SCAPER: variants seen among roughly 807,000 people sequenced by gnomAD.
The protein encoded by SCAPER is S-phase cyclin A associated protein in the ER, also known as S phase cyclin A-associated protein in the endoplasmic reticulum.
SCAPER carries 98 observed loss-of-function variants against 182.2 expected under a neutral mutation model. That is an observed-to-expected ratio of 0.54 (90% confidence interval 0.46 to 0.64). The LOEUF (loss-of-function observed/expected upper bound fraction) is 0.64. Ranked by LOEUF, SCAPER falls within the 30% of genes least tolerant of loss-of-function variation. SCAPER has a pLI of 0.00. For synonymous variants in SCAPER, 605 were observed against 564.6 expected, an observed-to-expected ratio of 1.07 and a Z score of -1.01; for missense variants, 1,432 against 1,690.0, an observed-to-expected ratio of 0.85 and a Z score of 2.68.
At chr15:76,619,292 C>A (rs942049772) in intron 22 of SCAPER, among the ~76,000 whole-genome samples, 1 of 152,120 alleles carries the variant, frequency 6.6e-6, no homozygotes, top group South Asian at 2.1e-4. Flanking sequence ...TTCTTTATTA[C>A]TAAGTAATAC....
intron 8 of SCAPER, among the ~76,000 whole-genome samples, chr15:76,779,711 T>TA (rs35003637): frequency 0.72 from 106,831 of 149,052 alleles, 39,302 homozygotes; most frequent in South Asian, 0.82. Context: ...GTTACTCTGT[T>TA]AAAAAAAAAA....
intron 21 of SCAPER, among the ~76,000 whole-genome samples, chr15:76,660,378 CT>C (rs2056037504): frequency 6.6e-6 from 1 of 152,124 alleles, no homozygotes; most frequent in Non-Finnish European, 1.5e-5. Flanking sequence ...CCAAATACCC[CT>C]GAACCTAAAA....
Position 76,596,326 on chromosome 15 carries a change from C to CAA in SCAPER, c.2712-22044_2712-22043dup, listed in dbSNP as rs34691848. ...AGGCAGTAATTAATAGCCTACCAAC[C>CAA]AAAAAAAAAAAAAAAAGCCCAGGAC... On this transcript the variant is annotated intron_variant, in intron 22 of 31. Transcript: ENST00000563290. Among the ~76,000 whole-genome samples, 213 of 75,354 alleles carry CAA rather than the reference C, an allele frequency of 2.8e-3. 25 individuals carry two copies. Among genetic ancestry groups the CAA allele is most frequent in the South Asian group, 5.7e-3 (13 of 2,282 alleles). 49.4% of individuals were successfully genotyped at this position (75,354 alleles called of 152,430 possible).
chr15:76,466,455 T>C (rs2049657214), intron 25 of SCAPER, among the ~76,000 whole-genome samples: 1 of 142,736 alleles, frequency 7.0e-6, no homozygotes, highest in Non-Finnish European at 1.5e-5. Context: ...ATTTTCTGTC[T>C]CTTTGTTGAT....
chr15:76,827,671 A>G (rs1320751818), intron 5 of SCAPER, among the ~76,000 whole-genome samples: 1 of 151,382 alleles, frequency 6.6e-6, no homozygotes, highest in African/African-American at 2.4e-5. Context: ...TTGTGAATGG[A>G]AAAAAAAATG....
chr15:76,393,576 T>G (rs987444788), intron 27 of SCAPER, among the ~76,000 whole-genome samples: 1 of 152,190 alleles, frequency 6.6e-6, no homozygotes, highest in African/African-American at 2.4e-5. Flanking sequence ...GCTATATTTT[T>G]CAAGTATAAC....
intron 5 of SCAPER, among the ~76,000 whole-genome samples, chr15:76,840,980 G>A (rs992281204): frequency 2.6e-5 from 4 of 152,188 alleles, no homozygotes; most frequent in East Asian, 1.9e-4. Context: ...TTAGAAGAGT[G>A]ATAAGTATCT....
chr15:76,795,291 G>A lies in SCAPER; in HGVS notation c.761C>T (p.Ser254Leu), dbSNP rs775879520. The A allele has an allele frequency of 1.2e-6, 2 of 1,609,088 alleles. No homozygotes were observed. Among genetic ancestry groups the A allele is most frequent in the Admixed American group, 3.4e-5 (2 of 59,450 alleles). Residue 254 changes from serine to leucine, a missense_variant, in exon 8 of 32, where the codon TCA (serine) becomes TTA (leucine). Ser to Leu is a moderately radical substitution (Grantham distance 145, BLOSUM62 -2). Around this residue, in one of 5 missense-constraint regions of SCAPER, gnomAD observed 480 missense variants for 510.2 expected, o/e 0.94. Coordinates refer to ENST00000563290, the MANE Select transcript of SCAPER (RefSeq NM_020843.4). ...TCGAAGTCACTTGCCATTTTTGCGT[G>A]AGGCCTTCTGCACTGTCATTGGTGG... ...SCPPMTVQKA[S>L]RKNERKDAEG...
At position 76,767,009 on chromosome 15, in the gene SCAPER, G is replaced by C; in HGVS notation, c.1328C>G (p.Ala443Gly). 6.2e-7 allele frequency: 1 copy of C among 1,606,572 alleles called. No homozygotes were observed. The highest frequency in any genetic ancestry group is 8.5e-7 in the Non-Finnish European group (1 of 1,175,884). ...EKANEEAIAS[A>G]IAEEEQLTRE... ...AGTTAACTGTTCTTCTTCAGCAATA[G>C]CACTAGCAATGGCTTCTTCATTGGC... Residue 443 changes from alanine to glycine, a missense_variant, in exon 11 of 32, where the codon GCT becomes GGT. This residue lies in a region of SCAPER where 18 missense variants were observed against 46.0 expected (regional missense o/e 0.39). Coordinates refer to ENST00000563290, the MANE Select transcript of SCAPER (RefSeq NM_020843.4).
intron 25 of SCAPER, among the ~76,000 whole-genome samples, chr15:76,439,507 C>T (rs142397314): frequency 2.6e-5 from 4 of 152,188 alleles, no homozygotes; most frequent in African/African-American, 9.7e-5. Flanking sequence ...TTGTGAGCAG[C>T]CTGCTCTTTT....
chr15:76,794,793 G>A (rs1444460673), intron 8 of SCAPER, among the ~76,000 whole-genome samples: 1 of 151,978 alleles, frequency 6.6e-6, no homozygotes, highest in Non-Finnish European at 1.5e-5. Flanking sequence ...ATTGTTCTAG[G>A]TGGGCCCTCA....
chr15:76,753,994 C>A, intron 14 of SCAPER, 46 bp from the exon 15 acceptor site: 1 of 1,582,954 alleles, frequency 6.3e-7, no homozygotes, highest in Non-Finnish European at 8.6e-7. Flanking sequence ...TATATACAAT[C>A]ATTTAAAAGA....
At chr15:76,394,508 GA>G (rs2142046735) in intron 27 of SCAPER, among the ~76,000 whole-genome samples, 1 of 152,274 alleles carries the variant, frequency 6.6e-6, no homozygotes, top group South Asian at 2.1e-4. Flanking sequence ...TACACAAAAA[GA>G]GTGTCTATGG....
At chr15:76,710,681 G>A (rs2059513918) in intron 17 of SCAPER, among the ~76,000 whole-genome samples, 1 of 152,042 alleles carries the variant, frequency 6.6e-6, no homozygotes, top group Admixed American at 6.5e-5. Context: ...ATAAAATATT[G>A]TAAAGATGTC....
intron 23 of SCAPER, among the ~76,000 whole-genome samples, chr15:76,547,152 C>A (rs1268275916): frequency 6.6e-6 from 1 of 152,152 alleles, no homozygotes; most frequent in Non-Finnish European, 1.5e-5. Flanking sequence ...TCCATTTACA[C>A]TCTCACCAGC....
intron 10 of SCAPER, 106 bp from the exon 11 acceptor site, chr15:76,767,194 T>C (rs2063169227): frequency 1.9e-6 from 2 of 1,075,732 alleles, no homozygotes; most frequent in Non-Finnish European, 1.3e-6. Flanking sequence ...TAAAATTGTA[T>C]TGATCTAGAA....
chr15:76,572,614 C>T (rs1025256835), intron 23 of SCAPER, among the ~76,000 whole-genome samples: 1 of 152,060 alleles, frequency 6.6e-6, no homozygotes, highest in African/African-American at 2.4e-5. Context: ...AGGCATATGC[C>T]CTAGAGTAGA....
chr15:76,870,593 T>C (rs2072642172), intron 2 of SCAPER, among the ~76,000 whole-genome samples: 1 of 151,880 alleles, frequency 6.6e-6, no homozygotes, highest in Non-Finnish European at 1.5e-5. Context: ...GTAGAAATTA[T>C]AAAACTGAAG....
chr15:76,701,788 G>T lies in SCAPER; in HGVS notation c.2478C>A (p.Ile826=), dbSNP rs748676101. Residue 826 remains isoleucine, a synonymous_variant, in exon 20 of 32, where the codon ATC becomes ATA. Transcript: ENST00000563290. The part of the protein sequence containing the change: ...HQQAVRENTS[I]QGRELSDEEV... ...CTTCATCTGACAGTTCACGCCCCTG[G>T]ATGCTGGTATTCTCTCTCACGGCTT... 12 of 1,613,740 alleles carry T rather than the reference G, an allele frequency of 7.4e-6. No individual in the cohort carries two copies. The highest frequency in any genetic ancestry group is 1.6e-4 in the Middle Eastern group (1 of 6,062).
Sources: allele counts gnomAD v4.1 joint callset (sites outside exome capture counted in the v4.1 genomes callset), GRCh38; gene constraint gnomAD v4.1.1; regional missense constraint gnomAD v4.1.1; transcripts MANE v1.5; gene names NCBI Gene and HGNC (gene_info 2026-07-23, HGNC 2026-07-21).